Variants in KMT2C observed in about 807,000 individuals in gnomAD.
The protein encoded by KMT2C is lysine methyltransferase 2C.
KMT2C carries 88 observed loss-of-function variants against 507.9 expected under a neutral mutation model. The ratio of observed to expected loss-of-function variants is 0.17; its 90% CI spans 0.15 to 0.21. The LOEUF (loss-of-function observed/expected upper bound fraction) is 0.21. Among genes scored for constraint, KMT2C ranks in the 10% least tolerant of loss-of-function variants. The pLI is 1.00. For missense variants in KMT2C, 4,954 were observed against 5,957.8 expected, an observed-to-expected ratio of 0.83 and a Z score of 5.55; for synonymous variants, 2,049 against 2,080.8, an observed-to-expected ratio of 0.98 and a Z score of 0.42.
chr7:152,238,123 T>G (rs1398141024), intron 15 of KMT2C, among the ~76,000 whole-genome samples: 1 of 152,306 alleles, frequency 6.6e-6, no homozygotes, highest in African/African-American at 2.4e-5. Flanking sequence ...TCCAGAATAT[T>G]AAATATAGAA....
intron 6 of KMT2C, among the ~76,000 whole-genome samples, chr7:152,288,787 T>C (rs1275317969): frequency 6.6e-6 from 1 of 151,902 alleles, no homozygotes; most frequent in Non-Finnish European, 1.5e-5. Context: ...CTGAGATAAA[T>C]AAGAGAAATG....
rs1403596501 is a variant in KMT2C, at chr7:152,163,550, G to A, written c.10027C>T (p.His3343Tyr). The A allele has an allele frequency of 1.2e-6, 2 of 1,609,820 alleles. No individual in the cohort carries two copies. Among genetic ancestry groups the A allele is most frequent in the Admixed American group, 3.3e-5 (2 of 59,770 alleles). The change falls in exon 43 of 59, where the codon CAC becomes TAC. Residue 3343 changes from histidine to tyrosine, a missense_variant. His to Tyr is a moderately conservative substitution (Grantham distance 83). Transcript: ENST00000262189. ...ATTCTAGGAGGATTGAGGGGCAGGT[G>A]GGCAGGAGCACTGTTGGGTTGCCAT... is the stretch of plus-strand genomic sequence containing the variant. The part of the protein sequence containing the change: ...PGWQPNSAPA[H>Y]LPLNPPRIQP...
chr7:152,262,792 C>T (rs2095801544), intron 9 of KMT2C, among the ~76,000 whole-genome samples: 1 of 152,068 alleles, frequency 6.6e-6, no homozygotes, highest in African/African-American at 2.4e-5. Flanking sequence ...TGGGTTTGAA[C>T]AGCCACAAAG....
chr7:152,303,833 C>T (rs1191698864), intron 6 of KMT2C, among the ~76,000 whole-genome samples: 1 of 152,056 alleles, frequency 6.6e-6, no homozygotes, highest in Non-Finnish European at 1.5e-5. Flanking sequence ...ACTAAAAATA[C>T]AAAAATTAGC....
rs2129117760 is a variant in KMT2C, at chr7:152,179,774, C to A, written c.7442+60G>T. ...GGATTACAGGCACAAGCCACCACAC[C>A]CAGCTCTGTTTCCCTCTTCTAATAG... On this transcript the variant is annotated intron_variant, in intron 37 of 58. Transcript: ENST00000262189. 4.0e-6 allele frequency: 6 copies of A among 1,509,890 alleles called. No homozygotes were observed. The South Asian group carries it at 5.7e-5, about 14-fold the overall frequency. 93.5% of individuals were successfully genotyped at this position (1,509,890 alleles called of 1,614,324 possible).
In KMT2C at chr7:152,144,635, CATACTGGACATCA is replaced by C; in HGVS notation, c.14343+65_14343+77del. 1 of 1,368,962 alleles carries C rather than the reference CATACTGGACATCA, an allele frequency of 7.3e-7. No individual in the cohort carries two copies. The allele number at this position is 1,368,962 out of a possible 1,614,324, so 84.8% of individuals were successfully genotyped here. A position where few individuals can be genotyped will look rare whatever the true frequency, so the allele number is the denominator to read the frequency against. On this transcript the variant is annotated intron_variant, in intron 55 of 58. Transcript: ENST00000262189. This position sits in a 1 kb window ranked among gnomAD's most constrained non-coding sequence, Gnocchi z 4.4. ...CTGCAGCTATGTGAAATCATTTTCA[CATACTGGACATCA>C]ATAGCTTCAGATTGCTAGACTCCAC...
Position 152,145,181 on chromosome 7 carries a change from T to C in KMT2C, c.14146A>G (p.Ser4716Gly), listed in dbSNP as rs1482760063. ...TGCARSEPKM[S>G]AHVKRFVLRP... ...AACACAAACCTCTTGACATGGGCAC[T>C]CATTTTAGGTTCAGAACGGGCACAA... The change falls in exon 54 of 59, where the codon AGT becomes GGT. Residue 4716 changes from serine (S) to glycine (G), a missense_variant. By Grantham distance (56) the Ser-to-Gly change is moderately conservative (BLOSUM62 0). Around this residue, in one of 29 missense-constraint regions of KMT2C, gnomAD observed 133 missense variants for 258.9 expected, o/e 0.51. Transcript: ENST00000262189. 6.2e-7 allele frequency: 1 copy of C among 1,614,122 alleles called. No homozygotes were observed. Among genetic ancestry groups the C allele is most frequent in the Admixed American group, 1.7e-5 (1 of 60,022 alleles).
chr7:152,284,758 A>G (rs142156825), intron 6 of KMT2C, among the ~76,000 whole-genome samples: 1 of 151,506 alleles, frequency 6.6e-6, no homozygotes, highest in East Asian at 1.9e-4. Context: ...TAGAGACAAA[A>G]TAACAGACAT....
At chr7:152,340,279 T>C (rs998793824) in intron 2 of KMT2C, among the ~76,000 whole-genome samples, 3 of 150,858 alleles carry the variant, frequency 2.0e-5, no homozygotes, top group African/African-American at 7.4e-5. Context: ...TGAGCCACCA[T>C]CACCATGCCC....
At chr7:152,230,765 T>C (rs78164885) in intron 16 of KMT2C, among the ~76,000 whole-genome samples, 14 of 152,178 alleles carry the variant, frequency 9.2e-5, no homozygotes, top group Non-Finnish European at 7.4e-5. Context: ...GGTAATATTT[T>C]AGATATATCG....
chr7:152,242,320 T>G (rs1177088892), intron 14 of KMT2C, among the ~76,000 whole-genome samples: 2 of 152,206 alleles, frequency 1.3e-5, no homozygotes, highest in African/African-American at 4.8e-5. Context: ...AACAATGAAC[T>G]ATGATATGAA....
intron 1 of KMT2C, among the ~76,000 whole-genome samples, chr7:152,428,458 CAAAAAAAAAAAA>C (rs140697569): frequency 2.7e-5 from 2 of 73,516 alleles, no homozygotes; most frequent in Admixed American, 1.7e-4. Flanking sequence ...ACTAAAAATA[CAAAAAAAAAAAA>C]AAAAAAAAAA....
intron 55 of KMT2C, among the ~76,000 whole-genome samples, chr7:152,141,761 G>A (rs2090586348): frequency 2.0e-5 from 3 of 150,628 alleles, no homozygotes; most frequent in Non-Finnish European, 4.4e-5. Flanking sequence ...GCTCATGCCT[G>A]TAATCCCAGC....
intron 1 of KMT2C, among the ~76,000 whole-genome samples, chr7:152,421,947 T>A (rs2097779676): frequency 6.6e-6 from 1 of 150,656 alleles, no homozygotes; most frequent in Admixed American, 6.6e-5. Flanking sequence ...AACTTTAAAA[T>A]ATGGAATGAA....
At position 152,252,526 on chromosome 7, in the gene KMT2C, T is replaced by C. The variant is rs747479221; in HGVS notation, c.1469+20A>G. On this transcript the variant is annotated intron_variant, in intron 10 of 58. Coordinates refer to ENST00000262189, the MANE Select transcript of KMT2C (RefSeq NM_170606.3). ...TAAAACAATCGACAAAACAACTGAA[T>C]AGAATAACTATCTTCTTACCTTTTG... 4.4e-6 allele frequency: 7 copies of C among 1,596,218 alleles called. No individual in the cohort carries two copies. The highest frequency in any genetic ancestry group is 1.7e-4 in the Middle Eastern group (1 of 5,922).
At chr7:152,295,467 AC>A (rs2096482659) in intron 6 of KMT2C, among the ~76,000 whole-genome samples, 1 of 152,120 alleles carries the variant, frequency 6.6e-6, no homozygotes, top group African/African-American at 2.4e-5. Flanking sequence ...GTAAAGGGTG[AC>A]CCTCTGTCTA....
chr7:152,427,754 T>C (rs565954305), intron 1 of KMT2C, among the ~76,000 whole-genome samples: 2 of 152,328 alleles, frequency 1.3e-5, no homozygotes, highest in East Asian at 1.9e-4. Context: ...AGTGATTACA[T>C]GTTAAGTCAC....
chr7:152,267,367 C>T (rs1348517257), intron 7 of KMT2C, among the ~76,000 whole-genome samples: 1 of 152,162 alleles, frequency 6.6e-6, no homozygotes, highest in Non-Finnish European at 1.5e-5. Context: ...AAACCCGAAA[C>T]ATCATCCATT....
intron 31 of KMT2C, among the ~76,000 whole-genome samples, chr7:152,189,527 C>T (rs2093727759): frequency 1.3e-5 from 2 of 152,084 alleles, no homozygotes; most frequent in Admixed American, 6.6e-5. Flanking sequence ...AAAAAAGTCT[C>T]ATACACGTAC....
Sources: allele counts gnomAD v4.1 joint callset (sites outside exome capture counted in the v4.1 genomes callset), GRCh38; gene constraint gnomAD v4.1.1; regional missense constraint gnomAD v4.1.1; non-coding constraint Gnocchi (gnomAD v3.1); transcripts MANE v1.5; gene names NCBI Gene and HGNC (gene_info 2026-07-23, HGNC 2026-07-21).